Variants in RNF216 observed in about 807,000 individuals in gnomAD.
RNF216 encodes the protein E3 ubiquitin-protein ligase RNF216.
RNF216 carries 72 observed loss-of-function variants against 110.8 expected under a neutral mutation model. That is an observed-to-expected ratio of 0.65 (90% confidence interval 0.54 to 0.79). The LOEUF (loss-of-function observed/expected upper bound fraction) is 0.79. Among genes scored for constraint, RNF216 ranks in the 30% least tolerant of loss-of-function variants. The pLI is 0.00. For synonymous variants in RNF216, 495 were observed against 407.5 expected, an observed-to-expected ratio of 1.21 and a Z score of -2.59; for missense variants, 1,342 against 1,141.2, an observed-to-expected ratio of 1.18 and a Z score of -2.54.
Position 5,730,715 on chromosome 7 carries a change from C to T in RNF216, c.1224G>A (p.Lys408=), listed in dbSNP as rs748670948. The part of the protein sequence containing the change: ...SSLLASQDET[K]LPKIDFFDYS... The stretch of plus-strand genomic sequence containing the variant: ...TGCAAAACATGAACATGACACTTGC[C>T]TTTGTCTCATCTTGGCTGGCCAGCA... The change falls in exon 6 of 17, where the codon AAG becomes AAA. Residue 408 remains lysine, a splice_region_variant and synonymous_variant. Transcript: ENST00000389902. 1 of 1,602,074 alleles carries T rather than the reference C, an allele frequency of 6.2e-7. No homozygotes were observed. The highest frequency in any genetic ancestry group is 8.5e-7 in the Non-Finnish European group (1 of 1,173,216).
intron 13 of RNF216, among the ~76,000 whole-genome samples, chr7:5,672,872 G>C (rs1422469081): frequency 1.3e-5 from 2 of 152,140 alleles, no homozygotes; most frequent in East Asian, 3.9e-4. Flanking sequence ...CACACTCCCA[G>C]GATAATGCTG....
At chr7:5,704,919 A>T (rs916242275) in intron 13 of RNF216, among the ~76,000 whole-genome samples, 17 of 152,210 alleles carry the variant, frequency 1.1e-4, no homozygotes. Context: ...CAAGTTCTGA[A>T]ACATACTGTA....
chr7:5,626,020 A>C (rs1362947180), intron 15 of RNF216, among the ~76,000 whole-genome samples: 1 of 152,218 alleles, frequency 6.6e-6, no homozygotes, highest in East Asian at 1.9e-4. Flanking sequence ...ACGTGTTCTG[A>C]GCAAGGCATG....
In RNF216 at chr7:5,644,017, G is replaced by A. The variant is rs74511814; in HGVS notation, c.2160-2641C>T. ...GTTCACCTATGTTGTAGCATGTATC[G>A]ATACTTCATTCCTTTTTATGGTTGG... On this transcript the variant is annotated intron_variant, in intron 14 of 16. Transcript: ENST00000389902. Among the ~76,000 whole-genome samples, 399 of 152,240 alleles carry A rather than the reference G, an allele frequency of 2.6e-3. 3 individuals carry two copies. The highest frequency in any genetic ancestry group is 8.2e-3 in the African/African-American group (339 of 41,540).
intron 1 of RNF216, among the ~76,000 whole-genome samples, chr7:5,767,893 C>T (rs1429388599): frequency 1.3e-5 from 2 of 152,108 alleles, no homozygotes; most frequent in African/African-American, 2.4e-5. Context: ...GCCACAACTC[C>T]CAGCCTGTTG....
chr7:5,649,938 T>G (rs1199265608), intron 14 of RNF216: 1 of 152,216 alleles, frequency 6.6e-6, no homozygotes, highest in Non-Finnish European at 1.5e-5. Context: ...GTGAGGACCT[T>G]GATTATGTCG....
chr7:5,686,224 T>TTA (rs963358016), intron 13 of RNF216, among the ~76,000 whole-genome samples: 2 of 111,632 alleles, frequency 1.8e-5, no homozygotes, highest in East Asian at 5.0e-4. Flanking sequence ...ACTCTGTTAT[T>TTA]AAAAAAAAAA....
At chr7:5,734,700 T>C (rs942478169) in intron 5 of RNF216, among the ~76,000 whole-genome samples, 46 of 151,408 alleles carry the variant, frequency 3.0e-4, no homozygotes, top group African/African-American at 1.1e-3. Context: ...AACACATGCC[T>C]GTAATCCCAG....
chr7:5,635,059 C>T (rs1787315214), intron 15 of RNF216, among the ~76,000 whole-genome samples: 1 of 152,138 alleles, frequency 6.6e-6, no homozygotes, highest in East Asian at 1.9e-4. Flanking sequence ...GGTTGGAAGA[C>T]CTGGGCTCAC....
At chr7:5,742,699 A>T (rs1419815456) in intron 3 of RNF216, among the ~76,000 whole-genome samples, 1 of 148,598 alleles carries the variant, frequency 6.7e-6, no homozygotes, top group Non-Finnish European at 1.5e-5. Flanking sequence ...AGGTTCAAGC[A>T]ATTATCCTGC....
chr7:5,705,182 G>A (rs967691178), intron 13 of RNF216, among the ~76,000 whole-genome samples: 4 of 151,920 alleles, frequency 2.6e-5, no homozygotes, highest in African/African-American at 9.7e-5. Flanking sequence ...ACTGATCTAG[G>A]GTCACTGATT....
intron 1 of RNF216, among the ~76,000 whole-genome samples, chr7:5,774,551 T>G (rs186799896): frequency 6.6e-6 from 1 of 152,354 alleles, no homozygotes; most frequent in African/African-American, 2.4e-5. Context: ...ATTGTGCTAT[T>G]TTTATTAACT....
chr7:5,753,925 G>A (rs915081787), intron 2 of RNF216, among the ~76,000 whole-genome samples: 1 of 152,102 alleles, frequency 6.6e-6, no homozygotes, highest in Non-Finnish European at 1.5e-5. Flanking sequence ...AACTCGGGAG[G>A]CAGAGGTTGC....
At chr7:5,762,140 T>C (rs1795967456) in intron 1 of RNF216, among the ~76,000 whole-genome samples, 1 of 152,158 alleles carries the variant, frequency 6.6e-6, no homozygotes, top group Non-Finnish European at 1.5e-5. Context: ...ACAACACAGT[T>C]AAATTAACTA....
chr7:5,719,142 C>T (rs568542940), intron 9 of RNF216, among the ~76,000 whole-genome samples: 3 of 152,098 alleles, frequency 2.0e-5, no homozygotes, highest in Non-Finnish European at 2.9e-5. Context: ...ACAATTTGGG[C>T]GGCTGAGTTG....
intron 13 of RNF216, among the ~76,000 whole-genome samples, chr7:5,660,288 TTTTTTTTTTTTTTTTTTTTTTTG>T (rs1203063350): frequency 3.5e-5 from 3 of 85,236 alleles, no homozygotes; most frequent in East Asian, 4.4e-4. Flanking sequence ...TTTTTTTTTT[TTTTTTTTTTTTTTTTTTTTTTTG>T]AGATGGAGTC....
intron 13 of RNF216, among the ~76,000 whole-genome samples, chr7:5,678,690 G>A (rs1562382468): frequency 6.6e-6 from 1 of 152,182 alleles, no homozygotes; most frequent in African/African-American, 2.4e-5. Context: ...GTGCCTCCTG[G>A]GCCTGCTACC....
At chr7:5,746,413 T>C (rs1584561174) in intron 3 of RNF216, among the ~76,000 whole-genome samples, 1 of 152,242 alleles carries the variant, frequency 6.6e-6, no homozygotes, top group East Asian at 1.9e-4. Context: ...GAAATGTGGG[T>C]GCAACTCCAT....
At chr7:5,717,222 G>A (rs1182917936) in intron 9 of RNF216, among the ~76,000 whole-genome samples, 2 of 152,038 alleles carry the variant, frequency 1.3e-5, no homozygotes, top group South Asian at 2.1e-4. Flanking sequence ...GCATGGTGGC[G>A]TGCACCTGTA....
Sources: gnomAD v4.1 joint callset for allele counts (sites outside exome capture counted in the v4.1 genomes callset) on GRCh38, gnomAD v4.1.1 for gene constraint, MANE v1.5 for transcripts, NCBI Gene and HGNC (gene_info 2026-07-23, HGNC 2026-07-21) for gene names.